SLC7A3: variants seen among roughly 807,000 people sequenced by gnomAD.
SLC7A3 encodes the protein cationic amino acid transporter 3.
Under a neutral mutation model 33.2 loss-of-function variants are expected in SLC7A3, and 3 were observed. The observed-to-expected ratio is 0.09, with a 90% confidence interval of 0.04 to 0.23. SLC7A3 has a LOEUF of 0.23. SLC7A3 is among the 10% of genes least tolerant of loss of function. SLC7A3 has a pLI of 1.00. For missense variants in SLC7A3, 360 were observed against 488.8 expected, an observed-to-expected ratio of 0.74 and a Z score of 2.48; for synonymous variants, 193 against 195.1, an observed-to-expected ratio of 0.99 and a Z score of 0.09.
chrX:70,926,774 G>T, intron 9 of SLC7A3, 81 bp from the exon 10 acceptor site: 1 of 1,156,071 alleles, frequency 8.6e-7, no homozygotes, highest in East Asian at 3.1e-5. Flanking sequence ...GTTCCAAGGA[G>T]AGTCGCTCTC....
Position 70,927,417 on chromosome X carries a change from A to G in SLC7A3, c.1184-33T>C, listed in dbSNP as rs1361269418. ...TAATAGGCAGGAAACAAGAAATGAG[A>G]GAAGGGAGTGGCAAAGTTAAAGAAG... On this transcript the variant is annotated intron_variant, in intron 7 of 11. Coordinates refer to ENST00000374299, the MANE Select transcript of SLC7A3 (RefSeq NM_032803.6). 6 of 1,207,313 alleles carry G rather than the reference A, an allele frequency of 5.0e-6. No homozygotes were observed. In the Admixed American group the frequency reaches 6.6e-5, roughly 13 times the overall value.
intron 3 of SLC7A3, 87 bp from the exon 4 acceptor site, chrX:70,928,720 T>A: frequency 8.9e-7 from 1 of 1,121,787 alleles, no homozygotes; most frequent in Non-Finnish European, 1.2e-6. Flanking sequence ...CAGCTTTTCT[T>A]CTTCCCCACC....
chrX:70,926,576 A>G lies in SLC7A3; in HGVS notation c.1571T>C (p.Ile524Thr), dbSNP rs766875762. The G allele has an allele frequency of 4.0e-5, 48 of 1,198,142 alleles. No homozygotes were observed. The highest frequency in any genetic ancestry group is 5.3e-5 in the Non-Finnish European group (47 of 889,472). ...VLLLLLIIGI[I>T]VVIWRQPQSS... ...CTGTGGCTGTCTCCAGATGACCACAATGATCCCAATAATGAGCAGCAGGAG... is the reference window on the plus strand; with the variant it reads ...CTGTGGCTGTCTCCAGATGACCACAGTGATCCCAATAATGAGCAGCAGGAG... The change falls in exon 10 of 12, where the codon ATT becomes ACT. Residue 524 changes from isoleucine to threonine, a missense_variant. By Grantham distance (89) the Ile-to-Thr change is moderately conservative (BLOSUM62 -1). Transcript: ENST00000374299.
Position 70,927,054 on chromosome X carries a change from T to A in SLC7A3, c.1287-13A>T. Reference sequence around the variant, plus strand: ...ATCAGGTTGATACCTGAGGCAAAAGTAAGATGGCAGTATTAAGAACAACCT... The same window carrying A: ...ATCAGGTTGATACCTGAGGCAAAAGAAAGATGGCAGTATTAAGAACAACCT... On this transcript the variant is annotated splice_polypyrimidine_tract_variant and intron_variant, in intron 8 of 11. Transcript: ENST00000374299. 8.3e-7 allele frequency: 1 copy of A among 1,198,419 alleles called. No individual in the cohort carries two copies. The highest frequency in any genetic ancestry group is 1.1e-6 in the Non-Finnish European group (1 of 889,983).
Position 70,929,709 on chromosome X carries a change from C to A in SLC7A3, c.289G>T (p.Ala97Ser). ...ACAGTGACATAGCTGTAGAGATATG[C>A]CGAACCAGAACGGGGAACCCGGGCA... is the stretch of plus-strand genomic sequence containing the variant. ...FGARVPRSGS[A>S]YLYSYVTVGE... The change falls in exon 2 of 12, where the codon GCA becomes TCA. Residue 97 changes from alanine (A) to serine (S), a missense_variant. Physicochemically the swap from Ala to Ser is moderately conservative, Grantham distance 99 (BLOSUM62 1). Transcript: ENST00000374299. 1 of 1,210,917 alleles carries A rather than the reference C, an allele frequency of 8.3e-7. No homozygotes were observed. The highest frequency in any genetic ancestry group is 1.8e-5 in the South Asian group (1 of 56,810).
Position 70,928,598 on chromosome X carries a change from C to T in SLC7A3, c.565G>A (p.Val189Ile). 1 of 1,206,238 alleles carries T rather than the reference C, an allele frequency of 8.3e-7. No individual in the cohort carries two copies. Among genetic ancestry groups the T allele is most frequent in the African/African-American group, 1.7e-5 (1 of 57,640 alleles). Residue 189 changes from valine (V) to isoleucine (I), a missense_variant, in exon 4 of 12, where the codon GTT becomes ATT. Val to Ile is a conservative substitution (Grantham distance 29). Transcript: ENST00000374299. ...LALGASESAL[V>I]TKVFTGVNLL... ...TTCACGCCTGTGAACACTTTGGTAA[C>T]CAGGGCCGACTCACTAGCCCCGAGA...
At chrX:70,929,549 G>T in intron 2 of SLC7A3, 79 bp downstream of exon 2, 1 of 1,088,332 alleles carries the variant, frequency 9.2e-7, no homozygotes, top group Non-Finnish European at 1.2e-6. Flanking sequence ...ATAATATAAA[G>T]AATACTTCCA....
Position 70,926,702 on chromosome X carries a change from G to A in SLC7A3, c.1454-9C>T. 1.7e-6 allele frequency: 2 copies of A among 1,181,922 alleles called. No homozygotes were observed. The highest frequency in any genetic ancestry group is 2.3e-6 in the Non-Finnish European group (2 of 881,526). On this transcript the variant is annotated splice_polypyrimidine_tract_variant and intron_variant, in intron 9 of 11. Coordinates refer to ENST00000374299, the MANE Select transcript of SLC7A3 (RefSeq NM_032803.6). ...AGCAGTCAGCAGGACAGCTTCAAAG[G>A]TCAAGTTGAGAGACATCAAAACCAA...
chrX:70,928,428 C>T (rs1215437042), intron 4 of SLC7A3, 28 bp downstream of exon 4: 1 of 1,177,761 alleles, frequency 8.5e-7, no homozygotes, highest in Non-Finnish European at 1.1e-6. Context: ...TTTCCCAGCT[C>T]TGCAGCTCCT....
In SLC7A3 at chrX:70,926,824, G is replaced by A. The variant is rs772076861; in HGVS notation, c.1453+51C>T. The stretch of plus-strand genomic sequence containing the variant: ...TCAGCCACCAAATGCCACACACTTC[G>A]ACCCAATCACGCTGATCTCAGAGCC... On this transcript the variant is annotated intron_variant, in intron 9 of 11. Coordinates refer to ENST00000374299, the MANE Select transcript of SLC7A3 (RefSeq NM_032803.6). 8 of 1,184,400 alleles carry A rather than the reference G, an allele frequency of 6.8e-6. No individual in the cohort carries two copies. The South Asian group carries it at 7.8e-5, about 12-fold the overall frequency.
chrX:70,927,821 G>A lies in SLC7A3; in HGVS notation c.1020C>T (p.Gly340=). Residue 340 remains glycine, a synonymous_variant, in exon 6 of 12, where the codon GGC becomes GGT. Transcript: ENST00000374299. ...WAPARYVVAV[G]SLCALSTSLL... ...ACCTGGTAGAAAGAGCACAGAGGGA[G>A]CCAACAGCCACAACATAGCGGGCAG... 8.4e-7 allele frequency: 1 copy of A among 1,184,647 alleles called. No individual in the cohort carries two copies. The highest frequency in any genetic ancestry group is 1.1e-6 in the Non-Finnish European group (1 of 881,811).
chrX:70,925,796 A>T lies in SLC7A3; in HGVS notation c.*17T>A, dbSNP rs370603171. ...ATTATTGTGCAGGGGACCAGACAGC[A>T]TTTAGGTGTGACGATGTCAAACTGA... On this transcript the variant is annotated 3_prime_UTR_variant, in exon 12 of 12. Transcript: ENST00000374299. The T allele has an allele frequency of 2.6e-5, 31 of 1,211,051 alleles. No homozygotes were observed. Among genetic ancestry groups the T allele is most frequent in the Non-Finnish European group, 3.5e-5 (31 of 895,310 alleles).
At chrX:70,927,738 G>A (rs1361759276) in intron 6 of SLC7A3, 60 bp downstream of exon 6, 1 of 1,151,621 alleles carries the variant, frequency 8.7e-7, no homozygotes, top group Non-Finnish European at 1.2e-6. Flanking sequence ...GTATTCTCTG[G>A]TACTGAATGC....
chrX:70,925,961 C>A lies in SLC7A3; in HGVS notation c.1730-18G>T. 1 of 1,210,997 alleles carries A rather than the reference C, an allele frequency of 8.3e-7. No individual in the cohort carries two copies. Among genetic ancestry groups the A allele is most frequent in the Non-Finnish European group, 1.1e-6 (1 of 895,202 alleles). Reference sequence around the variant, plus strand: ...AGCAAAGCCTAGTGGGGAAAGGTAGCTGTGAGGTGGGGGTGTAAAGGCTTC... The same window carrying A: ...AGCAAAGCCTAGTGGGGAAAGGTAGATGTGAGGTGGGGGTGTAAAGGCTTC... On this transcript the variant is annotated intron_variant, in intron 11 of 11. Coordinates refer to ENST00000374299, the MANE Select transcript of SLC7A3 (RefSeq NM_032803.6).
At chrX:70,929,495 A>T in intron 2 of SLC7A3, 133 bp downstream of exon 2, 24 of 623,246 alleles carry the variant, frequency 3.9e-5, no homozygotes, top group Non-Finnish European at 4.8e-5. Context: ...CCCCCCCCAG[A>T]CCCCCAGCAA....
chrX:70,926,419 C>T (rs1406279656), intron 10 of SLC7A3, 108 bp downstream of exon 10: 14 of 939,676 alleles, frequency 1.5e-5, no homozygotes, highest in East Asian at 6.8e-5. Context: ...TATATCTTCC[C>T]TTTCATGTTC....
chrX:70,927,605 G>T lies in SLC7A3; in HGVS notation c.1062C>A (p.Phe354Leu). The T allele has an allele frequency of 8.3e-7, 1 of 1,210,197 alleles. No homozygotes were observed. Among genetic ancestry groups the T allele is most frequent in the Non-Finnish European group, 1.1e-6 (1 of 894,852 alleles). ...ALSTSLLGSM[F>L]PMPRVIYAMA... is the part of the protein sequence containing the mutation. ...TCGCGTAGATCACCCGAGGCATGGG[G>T]AACATGGAGCCCAGGAGGCTGGAGA... Residue 354 changes from phenylalanine to leucine, a missense_variant, in exon 7 of 12, where the codon TTC becomes TTA. Transcript: ENST00000374299.
chrX:70,927,760 ACT>A, intron 6 of SLC7A3, 36 bp downstream of exon 6: 1 of 1,162,711 alleles, frequency 8.6e-7, no homozygotes, highest in Non-Finnish European at 1.2e-6. Flanking sequence ...ATAACCTGAG[ACT>A]CTGACAGCAG....
chrX:70,926,259 G>T, intron 10 of SLC7A3, 81 bp from the exon 11 acceptor site: 1 of 871,096 alleles, frequency 1.1e-6, no homozygotes, highest in Non-Finnish European at 1.6e-6. Flanking sequence ...GGCCAGAAAA[G>T]GGTGAGTCCA....
Sources: gnomAD v4.1 joint callset for allele counts on GRCh38, gnomAD v4.1.1 for gene constraint, MANE v1.5 for transcripts, NCBI Gene and HGNC (gene_info 2026-07-23, HGNC 2026-07-21) for gene names.